The following TRPM1 variants were observed in gnomAD, a reference collection of about 807,000 sequenced individuals.
TRPM1 encodes transient receptor potential cation channel subfamily M member 1.
Under a neutral mutation model 149.4 loss-of-function variants are expected in TRPM1, and 113 were observed. The observed-to-expected ratio is 0.76, with a 90% confidence interval of 0.65 to 0.88. The LOEUF (loss-of-function observed/expected upper bound fraction) is 0.88, where lower values mean the gene tolerates loss of function less well. TRPM1 is among the 40% of genes least tolerant of loss of function. The probability of loss-of-function intolerance (pLI) is 0.00; values close to 1 mark genes in which losing one functional copy is unlikely to be tolerated. For synonymous variants in TRPM1, 741 were observed against 759.5 expected (o/e 0.98, Z 0.40); for missense variants, 1,976 against 2,038.7 (o/e 0.97, Z 0.59).
At chr15:31,108,103 C>A (rs1225483371) in intron 1 of TRPM1, among the ~76,000 whole-genome samples, 3 of 152,176 alleles carry the variant, frequency 2.0e-5, no homozygotes, top group Non-Finnish European at 4.4e-5. Flanking sequence ...GGTGATCCAC[C>A]AACCTCGGCC....
Position 31,001,889 on chromosome 15 carries a change from ACAATTAC to A in TRPM1, c.4804_4810del (p.Val1602CysfsTer4). On this transcript the variant is annotated frameshift_variant, in exon 28 of 28. Transcript: ENST00000256552. LOFTEE classifies it low-confidence loss of function (END_TRUNC). ...TTTTTCTTCTGCTGTCATTCCAGAC[ACAATTAC>A]TAAGCTGCTTACACTACTGGCATGT... The A allele has an allele frequency of 6.2e-7, 1 of 1,614,048 alleles. No homozygotes were observed. Among genetic ancestry groups the A allele is most frequent in the Non-Finnish European group, 8.5e-7 (1 of 1,180,034 alleles).
At chr15:31,157,771 G>C (rs1215779064) in intron 1 of TRPM1, among the ~76,000 whole-genome samples, 2 of 152,156 alleles carry the variant, frequency 1.3e-5, no homozygotes, top group Non-Finnish European at 2.9e-5. Flanking sequence ...AAGAGCTTCA[G>C]AGCTGGGAAG....
At chr15:31,150,360 C>T (rs991619868) in intron 1 of TRPM1, among the ~76,000 whole-genome samples, 15 of 151,932 alleles carry the variant, frequency 9.9e-5, no homozygotes, top group Non-Finnish European at 1.8e-4. Context: ...TAGAGGGACC[C>T]CTTAAGAGGA....
chr15:31,089,143 G>C (rs2035136620), intron 1 of TRPM1, among the ~76,000 whole-genome samples: 1 of 152,174 alleles, frequency 6.6e-6, no homozygotes, highest in Non-Finnish European at 1.5e-5. Flanking sequence ...ACTGAAGACA[G>C]GCTGCTGCTG....
chr15:31,081,949 G>A (rs1265369239), intron 1 of TRPM1, among the ~76,000 whole-genome samples: 1 of 152,180 alleles, frequency 6.6e-6, no homozygotes, highest in African/African-American at 2.4e-5. Flanking sequence ...AAGGCAATGG[G>A]TGGAGGCCCC....
intron 24 of TRPM1, 128 bp from the exon 25 acceptor site, chr15:31,028,604 T>C (rs1219265830): frequency 1.6e-6 from 2 of 1,230,984 alleles, no homozygotes; most frequent in Non-Finnish European, 1.1e-6. Flanking sequence ...AAGCAATATT[T>C]TTTCCATGGG....
intron 1 of TRPM1, among the ~76,000 whole-genome samples, chr15:31,143,279 G>A (rs1203932833): frequency 6.6e-6 from 1 of 152,214 alleles, no homozygotes; most frequent in Non-Finnish European, 1.5e-5. Flanking sequence ...ATCAAACAGA[G>A]CAAGAATTAA....
intron 1 of TRPM1, among the ~76,000 whole-genome samples, chr15:31,088,473 AGT>A (rs1308297567): frequency 2.0e-5 from 3 of 152,214 alleles, no homozygotes; most frequent in Admixed American, 1.3e-4. Flanking sequence ...TCACTCCTGA[AGT>A]CAGCAAGCCC....
intron 25 of TRPM1, 92 bp downstream of exon 25, chr15:31,028,240 A>C: frequency 6.5e-7 from 1 of 1,530,478 alleles, no homozygotes; most frequent in Non-Finnish European, 9.0e-7. Flanking sequence ...TTATCTGCAA[A>C]TATATTGGTA....
rs1406530769 is a variant in TRPM1, at chr15:31,047,935, A to G, written c.1577T>C (p.Leu526Pro). Residue 526 changes from leucine to proline, a missense_variant, in exon 14 of 28, where the codon CTG (leucine) becomes CCG (proline). This residue lies in a region of TRPM1 where 1,332 missense variants were observed against 1,347.1 expected (regional missense o/e 0.99). Coordinates refer to ENST00000256552, the MANE Select transcript of TRPM1 (RefSeq NM_001252024.2). ...CAGATGAAGTGTGTTTGGTGGACCC[A>G]GTCTCTGAAAGAGAAGCATTCATGT... is the stretch of plus-strand genomic sequence containing the variant. Reference protein sequence around the residue: ...PRLEELYNTRLGPPNTLHLLV... With the variant: ...PRLEELYNTRPGPPNTLHLLV... 5 of 1,613,890 alleles carry G rather than the reference A, an allele frequency of 3.1e-6. No homozygotes were observed. In the South Asian group the frequency reaches 5.5e-5, roughly 18 times the overall value.
chr15:31,118,470 G>A (rs2035832459), intron 1 of TRPM1, among the ~76,000 whole-genome samples: 2 of 151,656 alleles, frequency 1.3e-5, no homozygotes, highest in African/African-American at 4.8e-5. Flanking sequence ...GACCTATCGT[G>A]TTCAAACTAT....
At chr15:31,113,297 C>T (rs1567062240) in intron 1 of TRPM1, among the ~76,000 whole-genome samples, 1 of 152,216 alleles carries the variant, frequency 6.6e-6, no homozygotes. Context: ...CCCTAACTCT[C>T]CAGGAAGAGT....
intron 19 of TRPM1, 90 bp downstream of exon 19, chr15:31,037,954 G>C (rs2033472311): frequency 6.2e-7 from 1 of 1,611,060 alleles, no homozygotes; most frequent in Admixed American, 1.7e-5. Context: ...CCTTTAACCA[G>C]TGAGATTTCT....
intron 2 of TRPM1, among the ~76,000 whole-genome samples, chr15:31,077,375 C>A (rs779692819): frequency 6.6e-6 from 1 of 152,072 alleles, no homozygotes; most frequent in Non-Finnish European, 1.5e-5. Flanking sequence ...GGAGGGAAAT[C>A]CCCTGTGGAG....
intron 1 of TRPM1, among the ~76,000 whole-genome samples, chr15:31,092,613 C>T (rs1019011953): frequency 6.6e-6 from 1 of 152,220 alleles, no homozygotes; most frequent in African/African-American, 2.4e-5. Flanking sequence ...GGAAGTGGAG[C>T]AGGCATATCC....
intron 1 of TRPM1, among the ~76,000 whole-genome samples, chr15:31,154,377 GA>G (rs879647619): frequency 1.3e-5 from 2 of 152,198 alleles, no homozygotes; most frequent in African/African-American, 2.4e-5. Flanking sequence ...CTGGGGAACA[GA>G]GGAGGTTTTC....
At chr15:31,122,906 A>G (rs2035899364) in intron 1 of TRPM1, among the ~76,000 whole-genome samples, 1 of 152,248 alleles carries the variant, frequency 6.6e-6, no homozygotes, top group African/African-American at 2.4e-5. Context: ...GAACAAACTC[A>G]GAGGACTGAC....
chr15:31,011,233 A>G (rs574564934), intron 27 of TRPM1, among the ~76,000 whole-genome samples: 1 of 152,302 alleles, frequency 6.6e-6, no homozygotes, highest in South Asian at 2.1e-4. Context: ...TCATTGTGCT[A>G]GTCTCTGTCT....
At chr15:31,123,975 C>A (rs970289340) in intron 1 of TRPM1, among the ~76,000 whole-genome samples, 1 of 152,194 alleles carries the variant, frequency 6.6e-6, no homozygotes, top group Admixed American at 6.5e-5. Flanking sequence ...TACCTCCAGA[C>A]AATGGAGCAT....
Sources: allele counts gnomAD v4.1 joint callset (sites outside exome capture counted in the v4.1 genomes callset), GRCh38; gene constraint gnomAD v4.1.1; regional missense constraint gnomAD v4.1.1; transcripts MANE v1.5; gene names NCBI Gene and HGNC (gene_info 2026-07-23, HGNC 2026-07-21).